Variants in SSH2 observed in about 807,000 individuals in gnomAD.
SSH2 encodes protein phosphatase Slingshot homolog 2.
Under a neutral mutation model 135.2 loss-of-function variants are expected in SSH2, and 37 were observed. That is an observed-to-expected ratio of 0.27 (90% CI 0.21 to 0.36). The LOEUF is 0.36. Ranked by LOEUF, SSH2 falls within the 10% of genes least tolerant of loss-of-function variation. The pLI is 1.00. For synonymous variants in SSH2, 628 were observed against 646.2 expected (o/e 0.97, Z 0.43); for missense variants, 1,408 against 1,765.3 (o/e 0.80, Z 3.63).
intron 1 of SSH2, among the ~76,000 whole-genome samples, chr17:29,866,642 A>G (rs1232107294): frequency 6.6e-6 from 1 of 152,162 alleles, no homozygotes; most frequent in Non-Finnish European, 1.5e-5. Context: ...TCAGGGCACA[A>G]AAGAGAAGCT....
chr17:29,661,318 C>T (rs1458378519), intron 11 of SSH2, among the ~76,000 whole-genome samples: 1 of 152,058 alleles, frequency 6.6e-6, no homozygotes, highest in African/African-American at 2.4e-5. Context: ...ATACCTCACA[C>T]AATAAAGAGG....
intron 2 of SSH2, among the ~76,000 whole-genome samples, chr17:29,794,243 A>G (rs1246025548): frequency 6.6e-6 from 1 of 152,186 alleles, no homozygotes; most frequent in African/African-American, 2.4e-5. Context: ...CTGTTATGCT[A>G]CTTCAGCTTC....
intron 15 of SSH2, among the ~76,000 whole-genome samples, chr17:29,634,840 T>G (rs1443462002): frequency 6.7e-6 from 1 of 149,946 alleles, no homozygotes; most frequent in Admixed American, 6.6e-5. Flanking sequence ...CGTGAGCCAC[T>G]GAGCCTGGCC....
chr17:29,745,046 T>G (rs1598923074), intron 3 of SSH2, among the ~76,000 whole-genome samples: 1 of 152,160 alleles, frequency 6.6e-6, no homozygotes, highest in Non-Finnish European at 1.5e-5. Flanking sequence ...CCTTCCTAAA[T>G]AAACTATGTA....
At chr17:29,739,373 T>C (rs1163295412) in intron 3 of SSH2, among the ~76,000 whole-genome samples, 2 of 152,186 alleles carry the variant, frequency 1.3e-5, no homozygotes, top group African/African-American at 2.4e-5. Flanking sequence ...CAACAGCCCC[T>C]GCCTTTTCAC....
chr17:29,920,397 T>C (rs1278341695), intron 1 of SSH2, among the ~76,000 whole-genome samples: 1 of 152,220 alleles, frequency 6.6e-6, no homozygotes, highest in Non-Finnish European at 1.5e-5. Flanking sequence ...AAATTCAAAA[T>C]GTAAGCTAGT....
chr17:29,729,128 A>C (rs1291856490), intron 3 of SSH2, among the ~76,000 whole-genome samples: 2 of 152,188 alleles, frequency 1.3e-5, no homozygotes, highest in Non-Finnish European at 2.9e-5. Context: ...ATATCTATAA[A>C]CTACCCATCT....
intron 2 of SSH2, among the ~76,000 whole-genome samples, chr17:29,817,239 C>T: frequency 6.6e-6 from 1 of 152,134 alleles, no homozygotes; most frequent in Non-Finnish European, 1.5e-5. Flanking sequence ...CCACACTGTC[C>T]TCTCCATTCT....
At position 29,684,494 on chromosome 17, in the gene SSH2, A is replaced by G. The variant is rs1254338003; in HGVS notation, c.479+69T>C. ...CACTCCGTCCCCATTAAAAAAAAAA[A>G]AAAAAAAAAGCAACTGGAACAGGTT... On this transcript the variant is annotated intron_variant, in intron 6 of 15. Transcript: ENST00000540801. 8.3e-6 allele frequency: 12 copies of G among 1,446,560 alleles called. 1 individual carries two copies. In the Admixed American group the frequency reaches 2.5e-4, roughly 30 times the overall value. The allele number at this position is 1,446,560 out of a possible 1,614,324, so 89.6% of individuals were successfully genotyped here.
At chr17:29,926,743 G>A (rs929717377) in intron 1 of SSH2, among the ~76,000 whole-genome samples, 1 of 151,970 alleles carries the variant, frequency 6.6e-6, no homozygotes, top group African/African-American at 2.4e-5. Context: ...CCTCAAACTG[G>A]TCTATTTAAT....
At chr17:29,773,484 T>C (rs1006000502) in intron 3 of SSH2, among the ~76,000 whole-genome samples, 2 of 152,230 alleles carry the variant, frequency 1.3e-5, no homozygotes, top group Non-Finnish European at 2.9e-5. Flanking sequence ...ATTTTGACTC[T>C]CTTTTCTGAA....
chr17:29,824,442 A>C (rs1259045789), intron 2 of SSH2, among the ~76,000 whole-genome samples: 1 of 152,162 alleles, frequency 6.6e-6, no homozygotes, highest in Non-Finnish European at 1.5e-5. Context: ...TTTTAAGTGC[A>C]AGGAAAATTG....
chr17:29,898,950 C>A (rs545507878), intron 1 of SSH2, among the ~76,000 whole-genome samples: 3 of 152,290 alleles, frequency 2.0e-5, no homozygotes, highest in African/African-American at 7.2e-5. Flanking sequence ...TGGGCTTCAT[C>A]CCTGGGATGC....
At chr17:29,777,404 A>G (rs2151281743) in intron 3 of SSH2, among the ~76,000 whole-genome samples, 1 of 152,258 alleles carries the variant, frequency 6.6e-6, no homozygotes, top group South Asian at 2.1e-4. Flanking sequence ...TATACTTTTA[A>G]TTACTAGCCC....
At chr17:29,892,615 C>G (rs752573614) in intron 1 of SSH2, among the ~76,000 whole-genome samples, 4 of 151,854 alleles carry the variant, frequency 2.6e-5, no homozygotes, top group Non-Finnish European at 4.4e-5. Flanking sequence ...CCATGACTGA[C>G]TAGCTTAAAT....
intron 1 of SSH2, among the ~76,000 whole-genome samples, chr17:29,919,898 G>A (rs188471045): frequency 1.4e-4 from 21 of 152,102 alleles, no homozygotes; most frequent in Non-Finnish European, 2.6e-4. Context: ...GCTGAAACCA[G>A]GAGTGATTTA....
chr17:29,670,233 C>G (rs988493484), intron 9 of SSH2, among the ~76,000 whole-genome samples: 1 of 152,236 alleles, frequency 6.6e-6, no homozygotes, highest in South Asian at 2.1e-4. Context: ...AGTTACCTCT[C>G]TCTCATCTAA....
intron 2 of SSH2, among the ~76,000 whole-genome samples, chr17:29,799,194 A>G (rs2042208626): frequency 6.6e-6 from 1 of 152,194 alleles, no homozygotes; most frequent in Non-Finnish European, 1.5e-5. Context: ...TACATAGACT[A>G]GATTGTTTCT....
chr17:29,711,520 A>T (rs942939937), intron 3 of SSH2, among the ~76,000 whole-genome samples: 8 of 152,234 alleles, frequency 5.3e-5, no homozygotes, highest in Admixed American at 5.2e-4. Context: ...ACCATTGGTC[A>T]TACAATTAAC....
Sources: gnomAD v4.1 joint callset for allele counts (sites outside exome capture counted in the v4.1 genomes callset) on GRCh38, gnomAD v4.1.1 for gene constraint, MANE v1.5 for transcripts, NCBI Gene and HGNC (gene_info 2026-07-23, HGNC 2026-07-21) for gene names.